The following LRMDA variants were observed in gnomAD, a reference collection of about 807,000 sequenced individuals.
LRMDA encodes the protein leucine rich melanocyte differentiation associated, also known as leucine-rich melanocyte differentiation-associated protein.
A neutral mutation model predicts 29.8 loss-of-function variants in LRMDA; 18 were observed. The observed-to-expected ratio is 0.60, with a 90% CI of 0.42 to 0.90. LRMDA has a LOEUF of 0.90. Among genes scored for constraint, LRMDA ranks in the 40% least tolerant of loss-of-function variants. The pLI is 0.00. For missense variants in LRMDA, 273 were observed against 273.9 expected, an observed-to-expected ratio of 1.00 and a Z score of 0.02; for synonymous variants, 125 against 109.4, an observed-to-expected ratio of 1.14 and a Z score of -0.89.
intron 2 of LRMDA, among the ~76,000 whole-genome samples, chr10:75,616,234 T>TAGCAGCAGC (rs1006575002): frequency 4.4e-4 from 65 of 146,814 alleles, no homozygotes; most frequent in African/African-American, 1.4e-3. Context: ...ACAGTAATAG[T>TAGCAGCAGC]AGCAGTAGCA....
chr10:75,979,098 T>C (rs1037913501), intron 2 of LRMDA, among the ~76,000 whole-genome samples: 1 of 152,216 alleles, frequency 6.6e-6, no homozygotes, highest in African/African-American at 2.4e-5. Flanking sequence ...TTAGTACTTA[T>C]AAAGCTCTAA....
chr10:76,214,121 G>C (rs996448949), intron 5 of LRMDA, among the ~76,000 whole-genome samples: 1 of 152,008 alleles, frequency 6.6e-6, no homozygotes, highest in Non-Finnish European at 1.5e-5. Context: ...GAGACTTGCA[G>C]CTTGGCTATA....
intron 2 of LRMDA, among the ~76,000 whole-genome samples, chr10:75,618,462 T>C (rs2132104535): frequency 6.9e-6 from 1 of 145,758 alleles, no homozygotes; most frequent in East Asian, 2.0e-4. Flanking sequence ...ATAAACTATA[T>C]ATATATCAAC....
intron 2 of LRMDA, among the ~76,000 whole-genome samples, chr10:75,861,667 C>T (rs1844932625): frequency 6.6e-6 from 1 of 152,112 alleles, no homozygotes; most frequent in Admixed American, 6.5e-5. Flanking sequence ...TTGGGATTTA[C>T]TATTATAATG....
At position 76,470,526 on chromosome 10, in the gene LRMDA, A is replaced by G. The variant is rs1842607536; in HGVS notation, c.602-86683A>G. The stretch of plus-strand genomic sequence containing the variant: ...TCCATCAAGGGATTAATGGATAAAA[A>G]ATGTTGGATATACGTACAATGTAAT... On this transcript the variant is annotated intron_variant, in intron 6 of 6. Transcript: ENST00000611255. The G allele has an allele frequency of 2.6e-5, 4 of 152,108 alleles. No individual in the cohort carries two copies. The South Asian group carries it at 8.3e-4, about 31-fold the overall frequency. The allele number at this position is 152,108 out of a possible 1,614,324, so 9.4% of individuals were successfully genotyped here.
At chr10:75,714,485 A>C (rs540470968) in intron 2 of LRMDA, among the ~76,000 whole-genome samples, 111 of 152,302 alleles carry the variant, frequency 7.3e-4, no homozygotes, top group Middle Eastern at 3.4e-3. Flanking sequence ...AATTTTGACA[A>C]GTGGTAGAAT....
chr10:76,516,825 C>T (rs777471990), intron 6 of LRMDA, among the ~76,000 whole-genome samples: 12 of 152,144 alleles, frequency 7.9e-5, no homozygotes, highest in African/African-American at 2.9e-4. Context: ...GTCTTTATAG[C>T]AGCATGATTT....
At chr10:75,748,541 C>A (rs1377066732) in intron 2 of LRMDA, among the ~76,000 whole-genome samples, 3 of 152,012 alleles carry the variant, frequency 2.0e-5, no homozygotes, top group African/African-American at 4.8e-5. Flanking sequence ...ATTAAAAAAA[C>A]CATTTAGGGC....
chr10:75,828,532 A>G (rs1042591265), intron 2 of LRMDA, among the ~76,000 whole-genome samples: 1 of 152,080 alleles, frequency 6.6e-6, no homozygotes, highest in African/African-American at 2.4e-5. Context: ...TTCCTTGGAG[A>G]TGGGACTTGG....
intron 5 of LRMDA, among the ~76,000 whole-genome samples, chr10:76,176,418 G>A (rs751729589): frequency 3.9e-5 from 6 of 152,186 alleles, no homozygotes; most frequent in South Asian, 2.1e-4. Context: ...AGAGGCTGGC[G>A]CTGCTTGGGG....
chr10:76,352,661 G>T (rs1476899075), intron 6 of LRMDA, among the ~76,000 whole-genome samples: 1 of 152,138 alleles, frequency 6.6e-6, no homozygotes, highest in Non-Finnish European at 1.5e-5. Context: ...CTAAAACCAT[G>T]CAGAAAGTGG....
chr10:75,501,541 G>A (rs987972341), intron 2 of LRMDA, among the ~76,000 whole-genome samples: 5 of 152,310 alleles, frequency 3.3e-5, no homozygotes, highest in Middle Eastern at 3.4e-3. Flanking sequence ...TCTTGTGAAT[G>A]TTTGCTGGTG....
chr10:76,404,761 G>T (rs1156559434), intron 6 of LRMDA, among the ~76,000 whole-genome samples: 1 of 152,158 alleles, frequency 6.6e-6, no homozygotes, highest in Non-Finnish European at 1.5e-5. Flanking sequence ...CTCTTAAAGG[G>T]ACTTTGCAGA....
chr10:76,456,103 C>T (rs916418687), intron 6 of LRMDA, among the ~76,000 whole-genome samples: 6 of 152,184 alleles, frequency 3.9e-5, no homozygotes, highest in East Asian at 1.9e-4. Flanking sequence ...CATCTCTACC[C>T]GAAAATAGTC....
intron 2 of LRMDA, among the ~76,000 whole-genome samples, chr10:75,676,157 A>ACTT (rs1237517838): frequency 6.6e-6 from 1 of 152,120 alleles, no homozygotes; most frequent in Non-Finnish European, 1.5e-5. Flanking sequence ...GCTGAGCTAT[A>ACTT]CTTCTGCCCA....
intron 5 of LRMDA, among the ~76,000 whole-genome samples, chr10:76,265,886 T>G (rs1840001230): frequency 6.6e-6 from 1 of 152,232 alleles, no homozygotes; most frequent in African/African-American, 2.4e-5. Flanking sequence ...TGTTCACATT[T>G]GCATTCTAGG....
intron 2 of LRMDA, among the ~76,000 whole-genome samples, chr10:75,868,445 A>G (rs1845055323): frequency 6.6e-6 from 1 of 152,202 alleles, no homozygotes; most frequent in African/African-American, 2.4e-5. Context: ...AAGAGATAGG[A>G]GAATGCCTAG....
At chr10:76,123,056 A>G (rs972082828) in intron 5 of LRMDA, among the ~76,000 whole-genome samples, 5 of 152,066 alleles carry the variant, frequency 3.3e-5, no homozygotes, top group African/African-American at 9.7e-5. Context: ...TTGGCATGCA[A>G]TCTTTTCAAC....
intron 2 of LRMDA, among the ~76,000 whole-genome samples, chr10:75,519,501 C>G (rs1211371898): frequency 2.6e-5 from 4 of 152,086 alleles, no homozygotes; most frequent in African/African-American, 9.7e-5. Context: ...TAGGATTGCA[C>G]CTCCTGCTTT....
Sources: gnomAD v4.1 joint callset for allele counts (sites outside exome capture counted in the v4.1 genomes callset) on GRCh38, gnomAD v4.1.1 for gene constraint, MANE v1.5 for transcripts, NCBI Gene and HGNC (gene_info 2026-07-23, HGNC 2026-07-21) for gene names.